The following ZNF462 variants were observed in gnomAD, a reference collection of about 807,000 sequenced individuals.
ZNF462 encodes zinc finger protein 462, also known as zinc finger PBX1-interacting protein.
A neutral mutation model predicts 201.9 loss-of-function variants in ZNF462; 10 were observed. The observed-to-expected ratio is 0.05, with a 90% CI of 0.03 to 0.08. ZNF462 has a LOEUF of 0.08. ZNF462 is among the 10% of genes least tolerant of loss of function. The pLI is 1.00. For missense variants in ZNF462, 2,523 were observed against 3,168.3 expected, an observed-to-expected ratio of 0.80 and a Z score of 4.89; for synonymous variants, 1,227 against 1,193.3, an observed-to-expected ratio of 1.03 and a Z score of -0.58.
intron 1 of ZNF462, among the ~76,000 whole-genome samples, chr9:106,896,111 A>G (rs1389215132): frequency 6.6e-6 from 1 of 151,858 alleles, no homozygotes; most frequent in Non-Finnish European, 1.5e-5. Context: ...GGAATTCTTC[A>G]TTGTCTGATT....
intron 7 of ZNF462, among the ~76,000 whole-genome samples, chr9:106,967,827 A>G (rs1476964955): frequency 6.6e-6 from 1 of 151,902 alleles, no homozygotes; most frequent in Non-Finnish European, 1.5e-5. Context: ...GTGGTCCCTT[A>G]TTTTGTTTAT....
intron 9 of ZNF462, chr9:106,976,670 G>A (rs2132117330): frequency 6.6e-6 from 1 of 152,152 alleles, no homozygotes; most frequent in East Asian, 1.9e-4. Flanking sequence ...ATGAACATGA[G>A]CATTTGAGGA....
intron 1 of ZNF462, among the ~76,000 whole-genome samples, chr9:106,904,786 C>T (rs1430779627): frequency 6.6e-6 from 1 of 152,108 alleles, no homozygotes; most frequent in African/African-American, 2.4e-5. Context: ...TTTCTTTAAG[C>T]TATCTGTTTC....
chr9:106,903,468 C>A (rs1344210546), intron 1 of ZNF462, among the ~76,000 whole-genome samples: 2 of 152,092 alleles, frequency 1.3e-5, no homozygotes, highest in African/African-American at 4.8e-5. Flanking sequence ...TAGTTTAAAT[C>A]CACTGTTTCT....
In ZNF462 at chr9:107,012,353, G is replaced by A. The variant is rs1356706807; in HGVS notation, c.*1323G>A. On this transcript the variant is annotated 3_prime_UTR_variant, in exon 13 of 13. Transcript: ENST00000277225. ...TTTTCATTTATTTAGGGGACGAGGG[G>A]ATGTACTAGAATCCCATCCCTTTCG... The A allele has an allele frequency of 6.7e-6, 1 of 150,202 alleles. No homozygotes were observed. The highest frequency in any genetic ancestry group is 1.5e-5 in the Non-Finnish European group (1 of 67,732). The allele number at this position is 150,202 out of a possible 1,614,324, so 9.3% of individuals were successfully genotyped here.
intron 1 of ZNF462, among the ~76,000 whole-genome samples, chr9:106,867,564 A>G (rs1827392051): frequency 6.9e-6 from 1 of 144,096 alleles, no homozygotes; most frequent in Non-Finnish European, 1.5e-5. Flanking sequence ...AGTTGGAGAC[A>G]ACTTTTAGAG....
At chr9:106,879,608 GT>G (rs2130919216) in intron 1 of ZNF462, among the ~76,000 whole-genome samples, 1 of 152,188 alleles carries the variant, frequency 6.6e-6, no homozygotes, top group Admixed American at 6.5e-5. Flanking sequence ...ATGTCCCTTT[GT>G]GCTCAGATTT....
chr9:107,000,825 A>G (rs968454145), intron 10 of ZNF462, among the ~76,000 whole-genome samples: 1 of 152,252 alleles, frequency 6.6e-6, no homozygotes, highest in African/African-American at 2.4e-5. Flanking sequence ...TGAGGGGGAA[A>G]AAAATAACAT....
rs1424413192 is a variant in ZNF462 at position 106,963,558 on chromosome 9, A to C, written c.6428-8447A>C. On this transcript the variant is annotated intron_variant, in intron 7 of 12. Coordinates refer to ENST00000277225, the MANE Select transcript of ZNF462 (RefSeq NM_021224.6). The surrounding 1 kb of genome is among the most constrained non-coding windows in gnomAD (Gnocchi z 4.7). ...GTGCCTGTATAGCACGGCTGTCCAC[A>C]AATTCAATCTAATGGATATTTTCTT... Among the ~76,000 whole-genome samples, 3 of 152,038 alleles carry C rather than the reference A, an allele frequency of 2.0e-5. No individual in the cohort carries two copies. In the East Asian group the frequency reaches 5.8e-4, roughly 29 times the overall value.
In ZNF462 at chr9:107,012,942, TG is replaced by T. The variant is rs1274905448; in HGVS notation, c.*1917del. 6.6e-6 allele frequency: 1 copy of T among 152,016 alleles called. No individual in the cohort carries two copies. The highest frequency in any genetic ancestry group is 1.5e-5 in the Non-Finnish European group (1 of 67,996). 9.4% of individuals were successfully genotyped at this position (152,016 alleles called of 1,614,324 possible). A position where few individuals can be genotyped will look rare whatever the true frequency, so the allele number is the denominator to read the frequency against. ...GTTTTAATTTAATTTTTTTAAGGGA[TG>T]GGGGCCATCATGTGGAAACCAGAAA... On this transcript the variant is annotated 3_prime_UTR_variant, in exon 13 of 13. Transcript: ENST00000277225.
At chr9:106,982,706 C>A (rs1399167607) in intron 9 of ZNF462, among the ~76,000 whole-genome samples, 1 of 152,162 alleles carries the variant, frequency 6.6e-6, no homozygotes. Flanking sequence ...GCAGATACCA[C>A]CTTCCACGCT....
upstream of ZNF462, chr9:106,863,073 G>C: frequency 2.5e-6 from 1 of 394,646 alleles, no homozygotes; most frequent in East Asian, 3.6e-5. Context: ...GAAGAGGAGA[G>C]AGAGGGGAGA....
intron 1 of ZNF462, among the ~76,000 whole-genome samples, chr9:106,868,360 T>TA (rs1827437764): frequency 6.6e-6 from 1 of 152,102 alleles, no homozygotes; most frequent in Non-Finnish European, 1.5e-5. Flanking sequence ...GCACAAGTCT[T>TA]AGTTTGGGGA....
At chr9:106,888,879 T>C (rs1828446924) in intron 1 of ZNF462, among the ~76,000 whole-genome samples, 1 of 152,234 alleles carries the variant, frequency 6.6e-6, no homozygotes, top group Non-Finnish European at 1.5e-5. Flanking sequence ...ATGTTCCTTC[T>C]GGAACCTCAA....
In ZNF462 at chr9:106,917,162, C is replaced by T. The variant is rs1342900360; in HGVS notation, c.-30-6192C>T. On this transcript the variant is annotated intron_variant, in intron 1 of 12. Transcript: ENST00000277225. This position sits in a 1 kb window ranked among gnomAD's most constrained non-coding sequence, Gnocchi z 4.5. Reference sequence around the variant, plus strand: ...CTACCTGCTTTCATAACAGGTCACTCAGCCGGAATGACTTCTTATTTACAT... The same window carrying T: ...CTACCTGCTTTCATAACAGGTCACTTAGCCGGAATGACTTCTTATTTACAT... 1.3e-5 allele frequency among the ~76,000 whole-genome samples: 2 copies of T among 152,226 alleles called. No homozygotes were observed. The highest frequency in any genetic ancestry group is 2.4e-5 in the African/African-American group (1 of 41,464).
chr9:106,903,046 C>G (rs1469442642), intron 1 of ZNF462, among the ~76,000 whole-genome samples: 1 of 152,016 alleles, frequency 6.6e-6, no homozygotes, highest in Non-Finnish European at 1.5e-5. Context: ...CCCTTTCAGA[C>G]TTTTTGATGT....
At chr9:106,943,668 T>C (rs1380304742) in intron 7 of ZNF462, among the ~76,000 whole-genome samples, 1 of 152,208 alleles carries the variant, frequency 6.6e-6, no homozygotes, top group Non-Finnish European at 1.5e-5. Context: ...GGTGCTGTAT[T>C]AGTACTTGCA....
At chr9:106,877,296 A>ATT (rs397893311) in intron 1 of ZNF462, among the ~76,000 whole-genome samples, 3,302 of 91,176 alleles carry the variant, frequency 0.036, 132 homozygotes, top group African/African-American at 0.075. Flanking sequence ...ACTACTCATG[A>ATT]TTTTTTTTTT....
chr9:106,892,658 A>C (rs142255377), intron 1 of ZNF462, among the ~76,000 whole-genome samples: 22 of 151,830 alleles, frequency 1.4e-4, no homozygotes, highest in Admixed American at 1.4e-3. Flanking sequence ...CTTCGCCTTC[A>C]TATTTGGAGG....
Sources: allele counts gnomAD v4.1 joint callset (sites outside exome capture counted in the v4.1 genomes callset), GRCh38; gene constraint gnomAD v4.1.1; non-coding constraint Gnocchi (gnomAD v3.1); transcripts MANE v1.5; gene names NCBI Gene and HGNC (gene_info 2026-07-23, HGNC 2026-07-21).